Variants in SLC44A1 observed in about 807,000 individuals in gnomAD.
The protein encoded by SLC44A1 is solute carrier family 44 member 1.
In SLC44A1, 26 loss-of-function variants were observed where a neutral mutation model predicts 79.3. The ratio of observed to expected loss-of-function variants is 0.33; its 90% CI spans 0.24 to 0.46. The LOEUF is 0.46. Among genes scored for constraint, SLC44A1 ranks in the 20% least tolerant of loss-of-function variants. SLC44A1 has a pLI of 1.00. For synonymous variants in SLC44A1, 263 were observed against 286.2 expected (o/e 0.92, Z 0.82); for missense variants, 688 against 798.1 (o/e 0.86, Z 1.66).
chr9:105,348,334 CTAACA>C lies in SLC44A1; in HGVS notation c.407-20_407-16del. 1.5e-6 allele frequency: 2 copies of C among 1,349,618 alleles called. No individual in the cohort carries two copies. The highest frequency in any genetic ancestry group is 2.1e-6 in the Non-Finnish European group (2 of 946,506). 83.6% of individuals were successfully genotyped at this position (1,349,618 alleles called of 1,614,324 possible). ...GAATTTTTTCAGACTGTTCTGCCAC[CTAACA>C]TAATTTTTCTTTCAACAGGTTCAGC... On this transcript the variant is annotated intron_variant, in intron 4 of 15. Coordinates refer to ENST00000374720, the MANE Select transcript of SLC44A1 (RefSeq NM_080546.5).
chr9:105,309,457 C>CTAT (rs914160694), intron 2 of SLC44A1, among the ~76,000 whole-genome samples: 1 of 152,094 alleles, frequency 6.6e-6, no homozygotes, highest in African/African-American at 2.4e-5. Context: ...GCTATTATTA[C>CTAT]TATTATTATT....
chr9:105,355,776 T>A (rs1411204131), intron 5 of SLC44A1: 1 of 155,198 alleles, frequency 6.4e-6, no homozygotes, highest in Non-Finnish European at 1.4e-5. Context: ...AGTAAAAGCA[T>A]GTGCTTTTTA....
At position 105,417,966 on chromosome 9, in the gene SLC44A1, A is replaced by C. The variant is rs188317074; in HGVS notation, c.1951-20315A>C. 4.5e-3 allele frequency among the ~76,000 whole-genome samples: 679 copies of C among 151,962 alleles called. 3 individuals carry two copies. The highest frequency in any genetic ancestry group is 5.9e-3 in the Non-Finnish European group (404 of 67,984). On this transcript the variant is annotated intron_variant, in intron 15 of 15. Coordinates refer to the SLC44A1 transcript ENST00000374724. Reference sequence around the variant, plus strand: ...CAGGAGTTTGAGGCTACAGTGAACTATGATTGTACCACTACAGTCCAGTCT... The same window carrying C: ...CAGGAGTTTGAGGCTACAGTGAACTCTGATTGTACCACTACAGTCCAGTCT...
At chr9:105,319,206 G>T (rs139538305) in intron 3 of SLC44A1, among the ~76,000 whole-genome samples, 1 of 152,096 alleles carries the variant, frequency 6.6e-6, no homozygotes, top group African/African-American at 2.4e-5. Context: ...CAAGATCAGG[G>T]GTCCATAAAA....
intron 1 of SLC44A1, among the ~76,000 whole-genome samples, chr9:105,283,813 A>T (rs1830414291): frequency 6.6e-6 from 1 of 152,210 alleles, no homozygotes; most frequent in Non-Finnish European, 1.5e-5. Flanking sequence ...TGTAATTGCA[A>T]TAAGCTCCAT....
At position 105,395,267 on chromosome 9, in the gene SLC44A1, A is replaced by G. The variant is rs1157377595; in HGVS notation, c.*6211A>G. 8 of 841,170 alleles carry G rather than the reference A, an allele frequency of 9.5e-6. No individual in the cohort carries two copies. Among genetic ancestry groups the G allele is most frequent in the Non-Finnish European group, 1.1e-5 (8 of 698,816 alleles). The allele number at this position is 841,170 out of a possible 1,614,324, so 52.1% of individuals were successfully genotyped here. On this transcript the variant is annotated 3_prime_UTR_variant, in exon 16 of 16. Transcript: ENST00000374720. ...CGGAGTCTCGCTCTATCGCCAGCTTAGAGTGCAGTGGCTCAATCTTAGCTC... is the reference window on the plus strand; with the variant it reads ...CGGAGTCTCGCTCTATCGCCAGCTTGGAGTGCAGTGGCTCAATCTTAGCTC...
chr9:105,342,244 C>T (rs1290926239), intron 4 of SLC44A1, among the ~76,000 whole-genome samples: 1 of 152,116 alleles, frequency 6.6e-6, no homozygotes, highest in African/African-American at 2.4e-5. Context: ...ACATTGTGCA[C>T]TTTGCTTAGT....
At position 105,358,426 on chromosome 9, in the gene SLC44A1, T is replaced by C. The variant is rs1002284724; in HGVS notation, c.753T>C (p.Gly251=). Residue 251 remains glycine, a synonymous_variant, in exon 7 of 16, where the codon GGT becomes GGC. Coordinates refer to ENST00000374720, the MANE Select transcript of SLC44A1 (RefSeq NM_080546.5). ...TCTTAACGATTCTGGTCATACTCGG[T>C]TCACTTGGTAAGCTATTTATTTCTT... ...VWILTILVIL[G]SLGGTGVLWW... The C allele has an allele frequency of 3.8e-6, 6 of 1,562,292 alleles. No individual in the cohort carries two copies. Among genetic ancestry groups the C allele is most frequent in the African/African-American group, 1.4e-5 (1 of 73,802 alleles).
rs538131919 is a variant in SLC44A1, at chr9:105,315,277, T to C, written c.269+5411T>C. On this transcript the variant is annotated intron_variant, in intron 3 of 15. Coordinates refer to ENST00000374720, the MANE Select transcript of SLC44A1 (RefSeq NM_080546.5). ...GAACTGCGTTTTTTTGTTTGTTTTTTTTTTTTTTTTACCATTTGTATGTTT... is the reference window on the plus strand; with the variant it reads ...GAACTGCGTTTTTTTGTTTGTTTTTCTTTTTTTTTTACCATTTGTATGTTT... Among the ~76,000 whole-genome samples, 82 of 151,890 alleles carry C rather than the reference T, an allele frequency of 5.4e-4. 1 individual carries two copies. The East Asian group carries it at 0.015, about 29-fold the overall frequency.
intron 4 of SLC44A1, among the ~76,000 whole-genome samples, chr9:105,337,053 C>T (rs1045943656): frequency 2.0e-5 from 3 of 152,222 alleles, no homozygotes; most frequent in Non-Finnish European, 4.4e-5. Context: ...TCTTCACGAT[C>T]TCATTTTTTA....
At chr9:105,273,804 A>C (rs147647774) in intron 1 of SLC44A1, among the ~76,000 whole-genome samples, 1 of 152,032 alleles carries the variant, frequency 6.6e-6, no homozygotes, top group African/African-American at 2.4e-5. Context: ...TTCCTCAACA[A>C]TATGTGTCTG....
At chr9:105,283,928 G>A (rs1830417216) in intron 1 of SLC44A1, among the ~76,000 whole-genome samples, 1 of 152,146 alleles carries the variant, frequency 6.6e-6, no homozygotes, top group African/African-American at 2.4e-5. Flanking sequence ...TGATGACATG[G>A]AATCAGATGA....
At chr9:105,248,808 A>G (rs1829514451) in intron 1 of SLC44A1, among the ~76,000 whole-genome samples, 1 of 152,192 alleles carries the variant, frequency 6.6e-6, no homozygotes, top group African/African-American at 2.4e-5. Context: ...TAAACTTCAA[A>G]TTTCACTTGT....
chr9:105,414,713 CTT>C (rs1345126066), intron 15 of SLC44A1, among the ~76,000 whole-genome samples: 1 of 152,120 alleles, frequency 6.6e-6, no homozygotes, highest in African/African-American at 2.4e-5. Flanking sequence ...AGGAAGATCT[CTT>C]GAGCCCAGGA....
intron 7 of SLC44A1, among the ~76,000 whole-genome samples, chr9:105,360,455 T>C (rs1827747341): frequency 6.6e-6 from 1 of 152,198 alleles, no homozygotes. Context: ...CTTGGCTTTG[T>C]TTACTGTTCT....
chr9:105,403,607 A>G (rs1485725090), intron 15 of SLC44A1, among the ~76,000 whole-genome samples: 1 of 149,512 alleles, frequency 6.7e-6, no homozygotes, highest in Non-Finnish European at 1.5e-5. Flanking sequence ...CTCACACCAT[A>G]TTTAGGAAGC....
chr9:105,392,307 T>C lies in SLC44A1; in HGVS notation c.*3251T>C. On this transcript the variant is annotated 3_prime_UTR_variant, in exon 16 of 16. Transcript: ENST00000374720. ...TAACTGTATGTTGGTACCCAAACTT[T>C]TTCTATAATGGTTAAGGAGGAGGCA... The C allele has an allele frequency of 2.0e-6, 2 of 984,606 alleles. No homozygotes were observed. The highest frequency in any genetic ancestry group is 2.4e-6 in the Non-Finnish European group (2 of 829,440). The allele number at this position is 984,606 out of a possible 1,614,324, so 61.0% of individuals were successfully genotyped here. A position where few individuals can be genotyped will look rare whatever the true frequency, so the allele number is the denominator to read the frequency against.
At chr9:105,342,141 A>T (rs182000369) in intron 4 of SLC44A1, among the ~76,000 whole-genome samples, 1 of 152,314 alleles carries the variant, frequency 6.6e-6, no homozygotes, top group East Asian at 1.9e-4. Context: ...GTTCTCCCTT[A>T]TCCATAGTTT....
intron 1 of SLC44A1, among the ~76,000 whole-genome samples, chr9:105,254,726 G>C (rs1326746323): frequency 6.6e-6 from 1 of 152,140 alleles, no homozygotes; most frequent in Admixed American, 6.5e-5. Flanking sequence ...CACCCCCACT[G>C]CATCTTTCCC....
Sources: allele counts gnomAD v4.1 joint callset (sites outside exome capture counted in the v4.1 genomes callset), GRCh38; gene constraint gnomAD v4.1.1; transcripts MANE v1.5; gene names NCBI Gene and HGNC (gene_info 2026-07-23, HGNC 2026-07-21).